The following MCPH1 variants were observed in gnomAD, a reference collection of about 807,000 sequenced individuals.
MCPH1 encodes microcephalin 1.
In MCPH1, 104 loss-of-function variants were observed where a neutral mutation model predicts 84.5. That is an observed-to-expected ratio of 1.23 (90% confidence interval 1.05 to 1.45). MCPH1 has a LOEUF of 1.45. Ranked by LOEUF, MCPH1 falls within the 40% of genes most tolerant of loss-of-function variation. MCPH1 has a pLI of 0.00. For missense variants in MCPH1, 1,498 were observed against 1,005.7 expected (o/e 1.49, Z -6.62); for synonymous variants, 514 against 366.8 (o/e 1.40, Z -4.58).
chr8:6,493,537 A>G (rs1450438470), intron 11 of MCPH1, among the ~76,000 whole-genome samples: 1 of 152,106 alleles, frequency 6.6e-6, no homozygotes, highest in African/African-American at 2.4e-5. Context: ...GCTGTGTTAG[A>G]TATTTAGCTT....
intron 12 of MCPH1, among the ~76,000 whole-genome samples, chr8:6,602,726 C>G (rs1359343701): frequency 6.6e-6 from 1 of 152,062 alleles, no homozygotes; most frequent in South Asian, 2.1e-4. Context: ...ATCTCCTTCC[C>G]TCTTAGTCAC....
At chr8:6,586,879 T>G (rs1223649229) in intron 12 of MCPH1, among the ~76,000 whole-genome samples, 3 of 152,184 alleles carry the variant, frequency 2.0e-5, no homozygotes, top group Admixed American at 6.5e-5. Flanking sequence ...CCACCCGTAA[T>G]GTAGACATCC....
Position 6,646,894 on chromosome 8 carries a change from G to C in MCPH1, c.*3845G>C, listed in dbSNP as rs985010176. On this transcript the variant is annotated 3_prime_UTR_variant, in exon 14 of 14. Coordinates refer to ENST00000344683, the MANE Select transcript of MCPH1 (RefSeq NM_024596.5). ...TAGCAGGAAATCATTCTGACCTCAG[G>C]TTAGGCAAAGCTTTCTTAGATATGA... 1.3e-5 allele frequency: 2 copies of C among 151,988 alleles called. No homozygotes were observed. The highest frequency in any genetic ancestry group is 2.9e-5 in the Non-Finnish European group (2 of 68,012). The allele number at this position is 151,988 out of a possible 1,614,324, so 9.4% of individuals were successfully genotyped here.
At chr8:6,558,639 T>G (rs929888807) in intron 12 of MCPH1, among the ~76,000 whole-genome samples, 1 of 152,178 alleles carries the variant, frequency 6.6e-6, no homozygotes, top group South Asian at 2.1e-4. Flanking sequence ...GTATTTAGAC[T>G]ATATGGATTA....
rs1260382531 is a variant in MCPH1 at position 6,646,979 on chromosome 8, C to G, written c.*3930C>G. 2 of 151,710 alleles carry G rather than the reference C, an allele frequency of 1.3e-5. No homozygotes were observed. Among genetic ancestry groups the G allele is most frequent in the Non-Finnish European group, 1.5e-5 (1 of 67,958 alleles). 9.4% of individuals were successfully genotyped at this position (151,710 alleles called of 1,614,324 possible). A position where few individuals can be genotyped will look rare whatever the true frequency, so the allele number is the denominator to read the frequency against. On this transcript the variant is annotated 3_prime_UTR_variant, in exon 14 of 14. Transcript: ENST00000344683. ...GGCTTTGTCAAAATTTTAAGTTTTG[C>G]TCTTCTGAAGAAACCATTAAAAAAA...
chr8:6,517,470 A>C (rs1279747652), intron 12 of MCPH1, among the ~76,000 whole-genome samples: 2 of 152,266 alleles, frequency 1.3e-5, no homozygotes, highest in Non-Finnish European at 2.9e-5. Context: ...TAGAAGAACC[A>C]AATGAATTTT....
intron 11 of MCPH1, among the ~76,000 whole-genome samples, chr8:6,488,340 T>C (rs577384269): frequency 6.6e-6 from 1 of 152,320 alleles, no homozygotes; most frequent in Admixed American, 6.5e-5. Flanking sequence ...ATCTGTAAAA[T>C]TGAGGGCTGT....
At position 6,445,284 on chromosome 8, in the gene MCPH1, A is replaced by C. The variant is rs778879004; in HGVS notation, c.1562A>C (p.Glu521Ala). Residue 521 changes from glutamate to alanine, a missense_variant, in exon 8 of 14, where the codon GAG becomes GCG. Transcript: ENST00000344683. The part of the protein sequence containing the change: ...RQAGKEDACP[E>A]GNGFSYTIED... ...GCTGGGAAAGAAGACGCATGCCCAG[A>C]GGGAAATGGCTTTTCTTACACCATT... 2.5e-6 allele frequency: 4 copies of C among 1,614,090 alleles called. No individual in the cohort carries two copies. In the African/African-American group the frequency reaches 4.0e-5, roughly 16 times the overall value.
Position 6,589,437 on chromosome 8 carries a change from C to T in MCPH1, c.2215-32017C>T, listed in dbSNP as rs559640441. On this transcript the variant is annotated intron_variant, in intron 12 of 13. Coordinates refer to ENST00000344683, the MANE Select transcript of MCPH1 (RefSeq NM_024596.5). The stretch of plus-strand genomic sequence containing the variant: ...TGTATCCAATGAGTTCATCGACGGC[C>T]GATTTCCCACCAGAAATTCCAGGCT... Among the ~76,000 whole-genome samples, 5 of 152,240 alleles carry T rather than the reference C, an allele frequency of 3.3e-5. No homozygotes were observed. In the South Asian group the frequency reaches 6.2e-4, roughly 19 times the overall value.
chr8:6,585,600 C>G (rs1392168513), intron 12 of MCPH1, among the ~76,000 whole-genome samples: 1 of 152,234 alleles, frequency 6.6e-6, no homozygotes, highest in Non-Finnish European at 1.5e-5. Flanking sequence ...GTTTTTCCCT[C>G]TACTGAAATT....
chr8:6,610,753 G>A lies in MCPH1; in HGVS notation c.2215-10701G>A, dbSNP rs549621079. 2.0e-5 allele frequency among the ~76,000 whole-genome samples: 3 copies of A among 152,108 alleles called. No individual in the cohort carries two copies. In the South Asian group the frequency reaches 6.2e-4, roughly 32 times the overall value. ...AGCCTGGGGGTCTCCCAGGCCAGAA[G>A]TTGACAGAACTGTCTTCATACACTC... On this transcript the variant is annotated intron_variant, in intron 12 of 13. Transcript: ENST00000344683.
At chr8:6,599,773 T>G (rs1245352232) in intron 12 of MCPH1, among the ~76,000 whole-genome samples, 1 of 152,220 alleles carries the variant, frequency 6.6e-6, no homozygotes, top group Non-Finnish European at 1.5e-5. Flanking sequence ...GAGATTCAAT[T>G]AGAGATTATG....
intron 6 of MCPH1, among the ~76,000 whole-genome samples, chr8:6,440,430 G>GCCTCCC (rs1803336992): frequency 6.6e-6 from 1 of 152,186 alleles, no homozygotes; most frequent in South Asian, 2.1e-4. Context: ...GTCTCCCTGT[G>GCCTCCC]TTGCGCAGGC....
chr8:6,589,126 G>T (rs1367478356), intron 12 of MCPH1, among the ~76,000 whole-genome samples: 1 of 152,234 alleles, frequency 6.6e-6, no homozygotes, highest in Non-Finnish European at 1.5e-5. Flanking sequence ...ACATCCTCCT[G>T]TGGGCTCGGG....
At chr8:6,614,329 C>T (rs575948834) in intron 12 of MCPH1, among the ~76,000 whole-genome samples, 2 of 152,318 alleles carry the variant, frequency 1.3e-5, no homozygotes, top group East Asian at 1.9e-4. Context: ...TCCTCCCATG[C>T]GTGGTGAGGG....
In MCPH1 at chr8:6,508,705, A is replaced by G. The variant is rs986704095; in HGVS notation, c.2214+8776A>G. 44 of 633,268 alleles carry G rather than the reference A, an allele frequency of 6.9e-5. No individual in the cohort carries two copies. The Admixed American group carries it at 1.3e-3, about 18-fold the overall frequency. The allele number at this position is 633,268 out of a possible 1,614,324, so 39.2% of individuals were successfully genotyped here. A position where few individuals can be genotyped will look rare whatever the true frequency, so the allele number is the denominator to read the frequency against. On this transcript the variant is annotated intron_variant, in intron 12 of 13. Transcript: ENST00000344683. ...CTCTCCTTGCCAGGGCTAGGTCCTG[A>G]GGAGACACAGTTGGCTTGCTGACAA...
At chr8:6,476,374 A>G (rs1808455015) in intron 9 of MCPH1, among the ~76,000 whole-genome samples, 1 of 150,422 alleles carries the variant, frequency 6.6e-6, no homozygotes, top group African/African-American at 2.4e-5. Context: ...GGTTGCAGTG[A>G]GCCGAGATTG....
intron 11 of MCPH1, among the ~76,000 whole-genome samples, chr8:6,486,645 C>T (rs1227710134): frequency 6.6e-6 from 1 of 152,154 alleles, no homozygotes; most frequent in Non-Finnish European, 1.5e-5. Flanking sequence ...CCAGTGTTAG[C>T]GCTACTGTTT....
In MCPH1 at chr8:6,576,722, T is replaced by TTTTTTTTTTTC. The variant is rs1563148341; in HGVS notation, c.2215-44727_2215-44726insTTTTTCTTTTT. ...TTTTTTTTTTTTTTTTTTTTTTTTT[T>TTTTTTTTTTTC]TTTTTAGTAGAGATGGGTTTTCACC... On this transcript the variant is annotated intron_variant, in intron 12 of 13. Coordinates refer to ENST00000344683, the MANE Select transcript of MCPH1 (RefSeq NM_024596.5). Among the ~76,000 whole-genome samples the TTTTTTTTTTTC allele has an allele frequency of 6.6e-5, 6 of 91,534 alleles. 1 individual carries two copies. The highest frequency in any genetic ancestry group is 3.0e-4 in the African/African-American group (6 of 19,846). The allele number at this position is 91,534 out of a possible 152,430, so 60.0% of individuals were successfully genotyped here.
Sources: gnomAD v4.1 joint callset for allele counts (sites outside exome capture counted in the v4.1 genomes callset) on GRCh38, gnomAD v4.1.1 for gene constraint, MANE v1.5 for transcripts, NCBI Gene and HGNC (gene_info 2026-07-23, HGNC 2026-07-21) for gene names.